Variants in ZMAT4 observed in about 807,000 individuals in gnomAD.
The protein encoded by ZMAT4 is zinc finger matrin-type 4.
A neutral mutation model predicts 28.7 loss-of-function variants in ZMAT4; 17 were observed. The observed-to-expected ratio is 0.59, with a 90% CI of 0.41 to 0.89. The LOEUF is 0.89. ZMAT4 is among the 40% of genes least tolerant of loss of function. The probability of loss-of-function intolerance (pLI) is 0.00; values close to 1 mark genes in which losing one functional copy is unlikely to be tolerated. For missense variants in ZMAT4, 240 were observed against 283.8 expected (o/e 0.85, Z 1.11); for synonymous variants, 117 against 109.2 (o/e 1.07, Z -0.44).
chr8:40,554,137 C>T (rs1364402279), intron 6 of ZMAT4, among the ~76,000 whole-genome samples: 1 of 152,076 alleles, frequency 6.6e-6, no homozygotes. Flanking sequence ...TAGTTATAAG[C>T]TGACACGTTA....
At chr8:40,603,149 C>A (rs1805456156) in intron 5 of ZMAT4, among the ~76,000 whole-genome samples, 1 of 152,164 alleles carries the variant, frequency 6.6e-6, no homozygotes, top group East Asian at 1.9e-4. Flanking sequence ...CATGTCTTGC[C>A]AATTATCCCA....
intron 1 of ZMAT4, among the ~76,000 whole-genome samples, chr8:40,845,979 G>A (rs1002744283): frequency 3.3e-5 from 5 of 152,036 alleles, no homozygotes; most frequent in African/African-American, 1.2e-4. Context: ...GTGAATCCTG[G>A]AATTCGAAGG....
chr8:40,891,517 C>T (rs1256359387), intron 1 of ZMAT4, among the ~76,000 whole-genome samples: 1 of 152,108 alleles, frequency 6.6e-6, no homozygotes, highest in African/African-American at 2.4e-5. Context: ...ACACCCTGGG[C>T]TCCCTGCCTG....
intron 6 of ZMAT4, among the ~76,000 whole-genome samples, chr8:40,560,845 C>T (rs939556501): frequency 1.3e-5 from 2 of 152,130 alleles, no homozygotes; most frequent in African/African-American, 2.4e-5. Context: ...TTCAAAATAA[C>T]CTGTATAATC....
At chr8:40,819,239 A>G (rs1415167383) in intron 2 of ZMAT4, among the ~76,000 whole-genome samples, 1 of 152,144 alleles carries the variant, frequency 6.6e-6, no homozygotes, top group Non-Finnish European at 1.5e-5. Flanking sequence ...GGGCTCTTTC[A>G]CCAGTACTGA....
chr8:40,855,887 C>T (rs1002509991), intron 1 of ZMAT4, among the ~76,000 whole-genome samples: 5 of 151,836 alleles, frequency 3.3e-5, no homozygotes, highest in East Asian at 1.9e-4. Context: ...GATGGGGTCT[C>T]GCTATGTTGC....
At chr8:40,890,659 C>A (rs1818635838) in intron 1 of ZMAT4, among the ~76,000 whole-genome samples, 1 of 152,162 alleles carries the variant, frequency 6.6e-6, no homozygotes, top group Non-Finnish European at 1.5e-5. Context: ...GTGAGCATGT[C>A]ATTTCCTGCC....
In ZMAT4 at chr8:40,733,622, G is replaced by A. The variant is rs148076121; in HGVS notation, c.192+34019C>T. On this transcript the variant is annotated intron_variant, in intron 3 of 6. Coordinates refer to ENST00000297737, the MANE Select transcript of ZMAT4 (RefSeq NM_024645.3). ...TTTCAGGGACAGGCCAACGAGAATC[G>A]CTGTTCTTGGTGGAGCCTTAGGCAC... Among the ~76,000 whole-genome samples the A allele has an allele frequency of 3.1e-3, 467 of 152,236 alleles. 3 individuals carry two copies. The highest frequency in any genetic ancestry group is 5.4e-3 in the Non-Finnish European group (367 of 68,026).
At chr8:40,881,589 AG>A (rs1171248928) in intron 1 of ZMAT4, among the ~76,000 whole-genome samples, 1 of 104,562 alleles carries the variant, frequency 9.6e-6, no homozygotes, top group African/African-American at 3.8e-5. Flanking sequence ...AAAGAAAGAA[AG>A]AAAGAAAGAA....
At chr8:40,672,070 T>C (rs1226201802) in intron 5 of ZMAT4, among the ~76,000 whole-genome samples, 1 of 152,072 alleles carries the variant, frequency 6.6e-6, no homozygotes, top group African/African-American at 2.4e-5. Context: ...GCTAATAATC[T>C]ATAAAGTAAG....
chr8:40,728,657 G>C (rs1181717328), intron 3 of ZMAT4, among the ~76,000 whole-genome samples: 1 of 152,208 alleles, frequency 6.6e-6, no homozygotes, highest in Non-Finnish European at 1.5e-5. Flanking sequence ...GATGGGGAAA[G>C]AGAGAGTCAG....
chr8:40,766,673 G>T (rs1813172727), intron 3 of ZMAT4, among the ~76,000 whole-genome samples: 2 of 152,210 alleles, frequency 1.3e-5, no homozygotes, highest in African/African-American at 4.8e-5. Flanking sequence ...CAAGAGGCAT[G>T]CTTAGAATTT....
intron 2 of ZMAT4, among the ~76,000 whole-genome samples, chr8:40,809,496 GAA>G (rs1351941741): frequency 6.6e-6 from 1 of 152,022 alleles, no homozygotes; most frequent in African/African-American, 2.4e-5. Context: ...TATAAAAAAA[GAA>G]AAGAAATTAA....
chr8:40,591,064 G>A (rs553086045), intron 5 of ZMAT4, among the ~76,000 whole-genome samples: 1 of 152,174 alleles, frequency 6.6e-6, no homozygotes, highest in South Asian at 2.1e-4. Context: ...GAGGAGTGGG[G>A]TGCTAGTGGC....
chr8:40,892,384 C>A (rs185339809), intron 1 of ZMAT4, among the ~76,000 whole-genome samples: 1 of 152,288 alleles, frequency 6.6e-6, no homozygotes, highest in East Asian at 1.9e-4. Flanking sequence ...CTCAGGAGCC[C>A]CCCCAGGGAT....
intron 1 of ZMAT4, among the ~76,000 whole-genome samples, chr8:40,858,225 C>T (rs549195279): frequency 6.3e-4 from 96 of 152,220 alleles, no homozygotes; most frequent in African/African-American, 2.1e-3. Context: ...ACAGACAGAC[C>T]GGAAGAAGAG....
chr8:40,861,990 A>T (rs1317933060), intron 1 of ZMAT4, among the ~76,000 whole-genome samples: 1 of 152,210 alleles, frequency 6.6e-6, no homozygotes, highest in Non-Finnish European at 1.5e-5. Context: ...AACTAGTTCA[A>T]CCATTGTGGA....
At chr8:40,777,950 T>C (rs1489387529) in intron 2 of ZMAT4, among the ~76,000 whole-genome samples, 1 of 152,258 alleles carries the variant, frequency 6.6e-6, no homozygotes, top group African/African-American at 2.4e-5. Flanking sequence ...ACTCGGTTAT[T>C]CTGAGTGAAT....
intron 2 of ZMAT4, among the ~76,000 whole-genome samples, chr8:40,801,703 A>G (rs1286447786): frequency 1.3e-5 from 2 of 152,114 alleles, no homozygotes; most frequent in Non-Finnish European, 2.9e-5. Context: ...CAATAATTCC[A>G]TAAGCTGCTT....
Sources: gnomAD v4.1 joint callset for allele counts (sites outside exome capture counted in the v4.1 genomes callset) on GRCh38, gnomAD v4.1.1 for gene constraint, MANE v1.5 for transcripts, NCBI Gene and HGNC (gene_info 2026-07-23, HGNC 2026-07-21) for gene names.